Variants in DNTTIP1 observed in about 807,000 individuals in gnomAD.
DNTTIP1 encodes deoxynucleotidyltransferase terminal interacting protein 1, also known as deoxynucleotidyltransferase terminal-interacting protein 1.
Under a neutral mutation model 52.9 loss-of-function variants are expected in DNTTIP1, and 22 were observed. That is an observed-to-expected ratio of 0.42 (90% CI 0.30 to 0.59). DNTTIP1 has a LOEUF of 0.59. DNTTIP1 is among the 20% of genes least tolerant of loss of function. DNTTIP1 has a pLI of 0.22. For missense variants in DNTTIP1, 286 were observed against 435.5 expected (o/e 0.66, Z 3.06); for synonymous variants, 136 against 155.1 (o/e 0.88, Z 0.92).
In DNTTIP1 at chr20:45,792,459, G is replaced by A. The variant is rs6124743; in HGVS notation, c.106-218G>A. Reference sequence around the variant, plus strand: ...AAATACTGCTTCCCTTCCTCCTGCCGTGCCAGAAGGCAGGGTCGGGACTTT... The same window carrying A: ...AAATACTGCTTCCCTTCCTCCTGCCATGCCAGAAGGCAGGGTCGGGACTTT... On this transcript the variant is annotated intron_variant, in intron 1 of 12. Coordinates refer to ENST00000372622, the MANE Select transcript of DNTTIP1 (RefSeq NM_052951.3). 5,289 of 496,060 alleles carry A rather than the reference G, an allele frequency of 0.011. 312 individuals are homozygous for A. The East Asian group carries it at 0.13, about 13-fold the overall frequency. The allele number at this position is 496,060 out of a possible 1,614,324, so 30.7% of individuals were successfully genotyped here.
chr20:45,811,221 C>A lies in DNTTIP1; in HGVS notation c.*26C>A. 6.3e-7 allele frequency: 1 copy of A among 1,583,148 alleles called. No homozygotes were observed. Among genetic ancestry groups the A allele is most frequent in the Non-Finnish European group, 8.6e-7 (1 of 1,166,346 alleles). On this transcript the variant is annotated 3_prime_UTR_variant, in exon 13 of 13. Transcript: ENST00000372622. The stretch of plus-strand genomic sequence containing the variant: ...GGCCGGGTCCCCTGGCCACACTTGG[C>A]AGCCCTCCTCCAAAGCCCTCTTCCT...
chr20:45,798,578 G>A (rs1262184025), intron 4 of DNTTIP1, among the ~76,000 whole-genome samples: 1 of 151,710 alleles, frequency 6.6e-6, no homozygotes, highest in Non-Finnish European at 1.5e-5. Context: ...CTTTTTTATT[G>A]ACTATACTCT....
intron 4 of DNTTIP1, among the ~76,000 whole-genome samples, chr20:45,795,714 G>A (rs949346225): frequency 2.6e-5 from 4 of 152,166 alleles, no homozygotes; most frequent in Admixed American, 6.5e-5. Flanking sequence ...CACGAGAATC[G>A]CTTGAACCTG....
At chr20:45,806,945 G>A (rs569404093) in intron 10 of DNTTIP1, among the ~76,000 whole-genome samples, 86 of 152,224 alleles carry the variant, frequency 5.6e-4, no homozygotes, top group South Asian at 5.4e-3. Flanking sequence ...CCACTTCAGC[G>A]TGGTTTAAAG....
chr20:45,805,153 C>T lies in DNTTIP1; in HGVS notation c.611C>T (p.Pro204Leu). ...TCTCTATTTTTTGCACAGTGGGACC[C>T]AGCTCGCCTGAATGAATCTACCACC... is the stretch of plus-strand genomic sequence containing the variant. ...PIRREGPKWD[P>L]ARLNESTTFV... Residue 204 changes from proline to leucine, a missense_variant, in exon 9 of 13, where the codon CCA becomes CTA. Pro to Leu is a moderately conservative substitution (Grantham distance 98). Transcript: ENST00000372622. 1.2e-6 allele frequency: 2 copies of T among 1,614,182 alleles called. No individual in the cohort carries two copies. Among genetic ancestry groups the T allele is most frequent in the Non-Finnish European group, 1.7e-6 (2 of 1,180,030 alleles).
At chr20:45,802,203 G>A in intron 7 of DNTTIP1, 146 bp downstream of exon 7, 1 of 865,930 alleles carries the variant, frequency 1.2e-6, no homozygotes, top group South Asian at 1.4e-5. Flanking sequence ...CTGGTTGGAG[G>A]GGTGAGGAAG....
intron 11 of DNTTIP1, among the ~76,000 whole-genome samples, chr20:45,810,575 CTTT>C (rs57338956): frequency 1.7e-3 from 206 of 124,124 alleles, no homozygotes; most frequent in African/African-American, 4.2e-3. Flanking sequence ...TTCTTTTTTT[CTTT>C]TTTTTTTTTT....
At chr20:45,796,524 C>G (rs774259791) in intron 4 of DNTTIP1, 20 of 471,174 alleles carry the variant, frequency 4.2e-5, no homozygotes, top group African/African-American at 4.0e-4. Context: ...TGCTGCCTCC[C>G]TGCCTCTCTG....
chr20:45,809,131 G>C lies in DNTTIP1; in HGVS notation c.741G>C (p.Gln247His), dbSNP rs751788944. The change falls in exon 11 of 13, where the codon CAG (glutamine) becomes CAC (histidine). Residue 247 changes from glutamine (Q) to histidine (H), a missense_variant. By Grantham distance (24) the Gln-to-His change is conservative. Around this residue, in one of 2 missense-constraint regions of DNTTIP1, gnomAD observed 78 missense variants for 169.0 expected, o/e 0.46. Coordinates refer to ENST00000372622, the MANE Select transcript of DNTTIP1 (RefSeq NM_052951.3). This position sits in a 1 kb window ranked among gnomAD's most constrained non-coding sequence, Gnocchi z 4.2. ...PHLFKYAADP[Q>H]DKHWLAEQHH... is the part of the protein sequence containing the mutation. ...CCTTACAGTATGCAGCTGACCCCCA[G>C]GATAAGCACTGGCTGGCTGAGCAGC... 1 of 1,614,182 alleles carries C rather than the reference G, an allele frequency of 6.2e-7. No individual in the cohort carries two copies. Among genetic ancestry groups the C allele is most frequent in the Non-Finnish European group, 8.5e-7 (1 of 1,180,020 alleles).
At chr20:45,810,811 A>C in intron 11 of DNTTIP1, 74 bp from the exon 12 acceptor site, 3 of 1,359,284 alleles carry the variant, frequency 2.2e-6, no homozygotes, top group Non-Finnish European at 3.2e-6. Flanking sequence ...CATTAAACAG[A>C]TGTTTAATGA....
rs775180431 is a variant in DNTTIP1, at chr20:45,805,276, A to C, written c.663-30A>C. On this transcript the variant is annotated intron_variant, in intron 9 of 12. Transcript: ENST00000372622. ...TCACTAGTAGGACTACACTTTCTGGAATCTTGACCACTTGGCTTTTACTTT... is the reference window on the plus strand; with the variant it reads ...TCACTAGTAGGACTACACTTTCTGGCATCTTGACCACTTGGCTTTTACTTT... The C allele has an allele frequency of 8.7e-6, 14 of 1,614,014 alleles. No individual in the cohort carries two copies. The African/African-American group carries it at 1.9e-4, about 22-fold the overall frequency.
chr20:45,803,721 T>C (rs1005992578), intron 8 of DNTTIP1, among the ~76,000 whole-genome samples: 5 of 152,256 alleles, frequency 3.3e-5, no homozygotes, highest in Admixed American at 6.5e-5. Flanking sequence ...ACTTATGAGA[T>C]CAATTCTGTG....
chr20:45,810,848 A>G (rs1374763850), intron 11 of DNTTIP1, 37 bp from the exon 12 acceptor site: 2 of 1,598,138 alleles, frequency 1.3e-6, no homozygotes, highest in South Asian at 2.2e-5. Context: ...AGTGAAATGA[A>G]TCAGGCAATG....
intron 5 of DNTTIP1, 104 bp downstream of exon 5, chr20:45,801,246 G>C: frequency 7.1e-7 from 1 of 1,403,448 alleles, no homozygotes; most frequent in Non-Finnish European, 1.0e-6. Flanking sequence ...TCCATTTGTA[G>C]GACCAGGCCC....
At chr20:45,800,695 ATATAT>A (rs1182293070) in intron 4 of DNTTIP1, among the ~76,000 whole-genome samples, 4 of 9,094 alleles carry the variant, frequency 4.4e-4, no homozygotes, top group African/African-American at 1.1e-3. Flanking sequence ...AAAAAAAAAA[ATATAT>A]ATATATATAT....
chr20:45,792,849 A>G (rs1981080871), intron 2 of DNTTIP1, 102 bp downstream of exon 2: 1 of 1,046,898 alleles, frequency 9.6e-7, no homozygotes, highest in Non-Finnish European at 1.4e-6. Flanking sequence ...AGCCGGTAGA[A>G]AGAGCACAGG....
intron 6 of DNTTIP1, among the ~76,000 whole-genome samples, chr20:45,801,733 A>C (rs1981480271): frequency 6.6e-6 from 1 of 152,144 alleles, no homozygotes; most frequent in Non-Finnish European, 1.5e-5. Context: ...GGCTGTAGTG[A>C]GCTATGATCA....
At chr20:45,793,812 A>G (rs1210936816) in intron 2 of DNTTIP1, 109 bp from the exon 3 acceptor site, 1 of 558,944 alleles carries the variant, frequency 1.8e-6, no homozygotes, top group Non-Finnish European at 3.1e-6. Context: ...GTTTTCAATA[A>G]AAGCTGTCTA....
At chr20:45,801,499 C>T (rs1014944611) in intron 6 of DNTTIP1, 41 bp downstream of exon 6, 12 of 1,608,530 alleles carry the variant, frequency 7.5e-6, no homozygotes, top group Admixed American at 1.7e-5. Flanking sequence ...TGAAAAAAGG[C>T]TTGTCAGGCC....
Sources: gnomAD v4.1 joint callset for allele counts (sites outside exome capture counted in the v4.1 genomes callset) on GRCh38, gnomAD v4.1.1 for gene constraint, gnomAD v4.1.1 regional missense constraint, Gnocchi (gnomAD v3.1) non-coding constraint, MANE v1.5 for transcripts, NCBI Gene and HGNC (gene_info 2026-07-23, HGNC 2026-07-21) for gene names.